The following CDC42BPB variants were observed in gnomAD, a reference collection of about 807,000 sequenced individuals.
CDC42BPB encodes serine/threonine-protein kinase MRCK beta.
CDC42BPB carries 37 observed loss-of-function variants against 214.9 expected under a neutral mutation model. The ratio of observed to expected loss-of-function variants is 0.17; its 90% CI spans 0.13 to 0.23. CDC42BPB has a LOEUF of 0.23. CDC42BPB is among the 10% of genes least tolerant of loss of function. The pLI is 1.00. For synonymous variants in CDC42BPB, 931 were observed against 884.0 expected, an observed-to-expected ratio of 1.05 and a Z score of -0.94; for missense variants, 1,694 against 2,227.0, an observed-to-expected ratio of 0.76 and a Z score of 4.82.
rs573966025 is a variant in CDC42BPB, at chr14:102,950,136, A to G, written c.3310-232T>C. 1.7e-5 allele frequency: 17 copies of G among 979,602 alleles called. No homozygotes were observed. The African/African-American group carries it at 3.0e-4, about 17-fold the overall frequency. The allele number at this position is 979,602 out of a possible 1,614,324, so 60.7% of individuals were successfully genotyped here. On this transcript the variant is annotated intron_variant, in intron 25 of 36. Coordinates refer to ENST00000361246, the MANE Select transcript of CDC42BPB (RefSeq NM_006035.4). ...AGCCAACGCTGTGTCCACCCCATGC[A>G]GGGTGCTGTGGTACACGCAGCCCGA...
intron 3 of CDC42BPB, among the ~76,000 whole-genome samples, chr14:103,007,655 G>A (rs1164658726): frequency 6.6e-6 from 1 of 152,234 alleles, no homozygotes; most frequent in Non-Finnish European, 1.5e-5. Flanking sequence ...CCTCGCTCAG[G>A]GCGGGTCAGA....
At chr14:102,935,903 G>T (rs571277885) in intron 36 of CDC42BPB, among the ~76,000 whole-genome samples, 9 of 152,120 alleles carry the variant, frequency 5.9e-5, no homozygotes, top group African/African-American at 1.9e-4. Flanking sequence ...CTACAACCCA[G>T]CCACAAAAGG....
intron 36 of CDC42BPB, among the ~76,000 whole-genome samples, chr14:102,936,703 G>C (rs1891660343): frequency 6.6e-6 from 1 of 152,178 alleles, no homozygotes. Context: ...ACACTGCCCA[G>C]GCTGGCCTTG....
In CDC42BPB at chr14:102,944,581, T is replaced by C; in HGVS notation, c.3812-94A>G. 2 of 1,509,958 alleles carry C rather than the reference T, an allele frequency of 1.3e-6. No homozygotes were observed. The highest frequency in any genetic ancestry group is 1.4e-5 in the South Asian group (1 of 73,132). The allele number at this position is 1,509,958 out of a possible 1,614,324, so 93.5% of individuals were successfully genotyped here. A position where few individuals can be genotyped will look rare whatever the true frequency, so the allele number is the denominator to read the frequency against. ...GGCTAAAGACTTGCCTGGAACACTC[T>C]GGGGCCCTCCCCTGGGCTCCCTTCC... On this transcript the variant is annotated intron_variant, in intron 29 of 36. Coordinates refer to ENST00000361246, the MANE Select transcript of CDC42BPB (RefSeq NM_006035.4). This position sits in a 1 kb window ranked among gnomAD's most constrained non-coding sequence, Gnocchi z 6.6.
Position 102,938,055 on chromosome 14 carries a change from C to T in CDC42BPB, c.5004+49G>A, listed in dbSNP as rs763018621. On this transcript the variant is annotated intron_variant, in intron 36 of 36. Transcript: ENST00000361246. ...CCCAGATCTTCGGGCTGCTTTTCCT[C>T]CTGCAGTGGTGGCTCATAGCCTCAG... is the stretch of plus-strand genomic sequence containing the variant. 7 of 1,589,788 alleles carry T rather than the reference C, an allele frequency of 4.4e-6. No homozygotes were observed. The South Asian group carries it at 4.4e-5, about 10-fold the overall frequency.
intron 1 of CDC42BPB, among the ~76,000 whole-genome samples, chr14:103,048,194 G>A (rs1321056877): frequency 6.6e-6 from 1 of 152,102 alleles, no homozygotes; most frequent in Non-Finnish European, 1.5e-5. Context: ...GTTTAATGGA[G>A]GAGTTCTAGT....
intron 1 of CDC42BPB, among the ~76,000 whole-genome samples, chr14:103,042,312 A>C (rs953488524): frequency 6.6e-6 from 1 of 151,130 alleles, no homozygotes; most frequent in African/African-American, 2.5e-5. Flanking sequence ...AACACAACCC[A>C]ATTTTTTTTT....
At chr14:103,038,141 C>A (rs1213871816) in intron 1 of CDC42BPB, among the ~76,000 whole-genome samples, 1 of 151,748 alleles carries the variant, frequency 6.6e-6, no homozygotes, top group Non-Finnish European at 1.5e-5. Flanking sequence ...TCAAGACCAT[C>A]CTGGTCAACA....
intron 1 of CDC42BPB, among the ~76,000 whole-genome samples, chr14:103,015,571 C>T (rs1045019286): frequency 1.3e-5 from 2 of 152,208 alleles, no homozygotes; most frequent in African/African-American, 4.8e-5. Flanking sequence ...GAGCACCCTG[C>T]TAACCACACA....
chr14:102,999,352 C>T (rs1460419045), intron 5 of CDC42BPB, among the ~76,000 whole-genome samples: 1 of 152,114 alleles, frequency 6.6e-6, no homozygotes, highest in Non-Finnish European at 1.5e-5. Context: ...CGGCTGACAG[C>T]AGACCATGAC....
intron 6 of CDC42BPB, among the ~76,000 whole-genome samples, chr14:102,984,505 C>A (rs1894146121): frequency 6.6e-6 from 1 of 152,112 alleles, no homozygotes; most frequent in African/African-American, 2.4e-5. Flanking sequence ...TAAGACCGCT[C>A]CTACCCCCGC....
intron 1 of CDC42BPB, among the ~76,000 whole-genome samples, chr14:103,038,240 C>T (rs961405469): frequency 1.4e-5 from 2 of 147,154 alleles, no homozygotes; most frequent in Middle Eastern, 3.4e-3. Context: ...GAGGCTGAGG[C>T]AGGAGAATAG....
intron 3 of CDC42BPB, among the ~76,000 whole-genome samples, chr14:103,005,365 C>T (rs1308438985): frequency 6.6e-6 from 1 of 152,182 alleles, no homozygotes; most frequent in Non-Finnish European, 1.5e-5. Flanking sequence ...CTCACAGTGA[C>T]CTCTGAAACT....
chr14:103,011,174 T>C (rs377410332), intron 2 of CDC42BPB, among the ~76,000 whole-genome samples: 56 of 152,338 alleles, frequency 3.7e-4, no homozygotes, highest in African/African-American at 1.3e-3. Context: ...TCTGTGGAGA[T>C]GGCCTGGAAG....
chr14:103,048,183 T>C (rs908651028), intron 1 of CDC42BPB, among the ~76,000 whole-genome samples: 9 of 152,098 alleles, frequency 5.9e-5, no homozygotes, highest in Middle Eastern at 3.4e-3. Context: ...TTATGTGAGG[T>C]GTTTAATGGA....
intron 1 of CDC42BPB, among the ~76,000 whole-genome samples, chr14:103,050,052 G>A (rs1466322431): frequency 1.3e-5 from 2 of 152,126 alleles, no homozygotes; most frequent in Non-Finnish European, 2.9e-5. Context: ...GCGTCTTTTG[G>A]GGTCAATTTC....
chr14:102,966,610 G>T, intron 17 of CDC42BPB: 1 of 689,016 alleles, frequency 1.5e-6, no homozygotes, highest in Non-Finnish European at 1.8e-6. Flanking sequence ...CAAGACTCAA[G>T]AATGAAAAAA....
chr14:102,959,794 G>C, intron 20 of CDC42BPB, 84 bp from the exon 21 acceptor site: 1 of 1,169,494 alleles, frequency 8.6e-7, no homozygotes, highest in East Asian at 5.5e-5. Context: ...TCTTCAAGAT[G>C]TCAATTCTCC....
At chr14:103,048,033 A>G (rs781209305) in intron 1 of CDC42BPB, among the ~76,000 whole-genome samples, 1 of 152,176 alleles carries the variant, frequency 6.6e-6, no homozygotes, top group Non-Finnish European at 1.5e-5. Flanking sequence ...GGGGAATTCA[A>G]CAGAGGAAAG....
Sources: gnomAD v4.1 joint callset for allele counts (sites outside exome capture counted in the v4.1 genomes callset) on GRCh38, gnomAD v4.1.1 for gene constraint, Gnocchi (gnomAD v3.1) non-coding constraint, MANE v1.5 for transcripts, NCBI Gene and HGNC (gene_info 2026-07-23, HGNC 2026-07-21) for gene names.